Variants in HRH2 observed in about 807,000 individuals in gnomAD.
HRH2 encodes histamine H2 receptor.
In HRH2, 4 loss-of-function variants were observed where a neutral mutation model predicts 20.1. The ratio of observed to expected loss-of-function variants is 0.20; its 90% CI spans 0.10 to 0.45. HRH2 has a LOEUF of 0.45. Ranked by LOEUF, HRH2 falls within the 20% of genes least tolerant of loss-of-function variation. The pLI is 0.99. For synonymous variants in HRH2, 197 were observed against 200.7 expected, an observed-to-expected ratio of 0.98 and a Z score of 0.16; for missense variants, 250 against 461.6, an observed-to-expected ratio of 0.54 and a Z score of 4.20.
At chr5:175,705,359 G>A (rs968375390) in intron 2 of HRH2, among the ~76,000 whole-genome samples, 4 of 152,170 alleles carry the variant, frequency 2.6e-5, no homozygotes, top group Admixed American at 6.5e-5. Flanking sequence ...CCTATACACC[G>A]GGGGACAGGT....
At chr5:175,695,643 G>A (rs554073848) in intron 2 of HRH2, among the ~76,000 whole-genome samples, 1 of 152,374 alleles carries the variant, frequency 6.6e-6, no homozygotes, top group Non-Finnish European at 1.5e-5. Context: ...TAGACAGGCT[G>A]TGGGGGCCTC....
intron 2 of HRH2, among the ~76,000 whole-genome samples, chr5:175,704,333 G>C (rs1349586862): frequency 6.6e-6 from 1 of 151,856 alleles, no homozygotes; most frequent in Non-Finnish European, 1.5e-5. Context: ...TTTAATATTA[G>C]AAATGTTACT....
In HRH2 at chr5:175,683,417, A is replaced by G. The variant is rs1228891865; in HGVS notation, c.184A>G (p.Ile62Val). 2 of 1,614,146 alleles carry G rather than the reference A, an allele frequency of 1.2e-6. No homozygotes were observed. Among genetic ancestry groups the G allele is most frequent in the African/African-American group, 1.3e-5 (1 of 75,034 alleles). ...LTNCFIVSLA[I>V]TDLLLGLLVL... ...CAATTGTTTCATCGTGTCCTTGGCTATCACTGACCTGCTCCTCGGCCTCCT... is the reference window on the plus strand; with the variant it reads ...CAATTGTTTCATCGTGTCCTTGGCTGTCACTGACCTGCTCCTCGGCCTCCT... Residue 62 changes from isoleucine (I) to valine (V), a missense_variant, in exon 2 of 3, where the codon ATC becomes GTC. Ile to Val is a conservative substitution (Grantham distance 29). This residue lies in a region of HRH2 where 86 missense variants were observed against 176.4 expected (regional missense o/e 0.49). Coordinates refer to ENST00000636584, the MANE Select transcript of HRH2 (RefSeq NM_001367711.1).
chr5:175,663,946 T>C (rs928939713), intron 1 of HRH2, among the ~76,000 whole-genome samples: 4 of 152,208 alleles, frequency 2.6e-5, no homozygotes, highest in African/African-American at 9.6e-5. Context: ...AAAGGGCCTT[T>C]CCAGCTCTGC....
At chr5:175,685,775 TC>T (rs1267146920) in intron 2 of HRH2, 2 of 504,142 alleles carry the variant, frequency 4.0e-6, no homozygotes, top group Non-Finnish European at 7.1e-6. Context: ...CTCTGCCATC[TC>T]CCAATAGGAC....
At chr5:175,678,724 T>A (rs1676885879) in intron 1 of HRH2, among the ~76,000 whole-genome samples, 1 of 152,180 alleles carries the variant, frequency 6.6e-6, no homozygotes, top group Admixed American at 6.5e-5. Flanking sequence ...GCCTGGAAAA[T>A]CAGATTTATC....
rs188672271 is a variant in HRH2, at chr5:175,682,939, G to A, written c.-295G>A. ...CTAGCTCTTCAGGGGACCGTCTGAGGACTGGAGTTTGATCCATGAACCTGG... is the reference window on the plus strand; with the variant it reads ...CTAGCTCTTCAGGGGACCGTCTGAGAACTGGAGTTTGATCCATGAACCTGG... On this transcript the variant is annotated 5_prime_UTR_variant, in exon 2 of 3. Coordinates refer to ENST00000636584, the MANE Select transcript of HRH2 (RefSeq NM_001367711.1). The A allele has an allele frequency of 2.4e-5, 9 of 368,618 alleles. No individual in the cohort carries two copies. Among genetic ancestry groups the A allele is most frequent in the South Asian group, 9.0e-5 (2 of 22,340 alleles). 22.8% of individuals were successfully genotyped at this position (368,618 alleles called of 1,614,324 possible).
Position 175,684,281 on chromosome 5 carries a change from G to T in HRH2, c.1048G>T (p.Val350Phe), listed in dbSNP as rs766455569. The T allele has an allele frequency of 2.5e-6, 4 of 1,613,996 alleles. No homozygotes were observed. Among genetic ancestry groups the T allele is most frequent in the Non-Finnish European group, 3.4e-6 (4 of 1,180,006 alleles). The change falls in exon 2 of 3, where the codon GTC becomes TTC. Residue 350 changes from valine (V) to phenylalanine (F), a missense_variant. Val to Phe is a conservative substitution (Grantham distance 50). This residue lies in a region of HRH2 where 55 missense variants were observed against 66.9 expected (regional missense o/e 0.82). Coordinates refer to ENST00000636584, the MANE Select transcript of HRH2 (RefSeq NM_001367711.1). ...GCTCCAGGTGTGGAGTGGGACAGAA[G>T]TCACGGCCCCCCAGGGAGCCACAGA... Reference protein sequence around the residue: ...LKLQVWSGTEVTAPQGATDRK... With the variant: ...LKLQVWSGTEFTAPQGATDRK...
intron 1 of HRH2, among the ~76,000 whole-genome samples, chr5:175,660,025 G>A (rs983035688): frequency 1.3e-5 from 2 of 152,264 alleles, no homozygotes; most frequent in Admixed American, 6.5e-5. Flanking sequence ...ATTCTCCTGA[G>A]CTCACAGGCA....
intron 1 of HRH2, among the ~76,000 whole-genome samples, chr5:175,673,935 C>T (rs1438159341): frequency 6.6e-6 from 1 of 152,150 alleles, no homozygotes; most frequent in Non-Finnish European, 1.5e-5. Context: ...GAACTCCTGA[C>T]CTCAGGTGAT....
At position 175,687,943 on chromosome 5, in the gene HRH2, G is replaced by A. The variant is rs1190363031; in HGVS notation, c.1076+3634G>A. Among the ~76,000 whole-genome samples, 1 of 152,214 alleles carries A rather than the reference G, an allele frequency of 6.6e-6. No individual in the cohort carries two copies. The highest frequency in any genetic ancestry group is 1.9e-4 in the East Asian group (1 of 5,190). The stretch of plus-strand genomic sequence containing the variant: ...TCCGTTGCAGTTCAGGAGGCCAGAT[G>A]TCTGAGATCAAGGTGTTAGCAGGGC... On this transcript the variant is annotated intron_variant, in intron 2 of 2. Transcript: ENST00000636584. The surrounding 1 kb of genome is among the most constrained non-coding windows in gnomAD (Gnocchi z 5.2).
rs1314073117 is a variant in HRH2, at chr5:175,677,845, C to T, written c.-525-4864C>T. ...GCAGCAGGAGGTCAGGGACCCTGCG[C>T]CACTTTTCCCGCCTTCCAATCACAT... On this transcript the variant is annotated intron_variant, in intron 1 of 2. Coordinates refer to ENST00000636584, the MANE Select transcript of HRH2 (RefSeq NM_001367711.1). The surrounding 1 kb of genome is among the most constrained non-coding windows in gnomAD (Gnocchi z 4.2). Among the ~76,000 whole-genome samples the T allele has an allele frequency of 6.6e-6, 1 of 152,182 alleles. No homozygotes were observed. Among genetic ancestry groups the T allele is most frequent in the Non-Finnish European group, 1.5e-5 (1 of 68,036 alleles).
chr5:175,665,671 G>T (rs1762867082), intron 1 of HRH2, among the ~76,000 whole-genome samples: 1 of 152,174 alleles, frequency 6.6e-6, no homozygotes, highest in African/African-American at 2.4e-5. Context: ...ATGGGTGCCT[G>T]TCAGTCTGAT....
intron 1 of HRH2, among the ~76,000 whole-genome samples, chr5:175,671,562 ACTT>A (rs753438197): frequency 3.3e-5 from 5 of 152,062 alleles, no homozygotes; most frequent in African/African-American, 7.2e-5. Context: ...AGGAATTTGG[ACTT>A]CTTCTCTGAA....
chr5:175,705,423 C>T (rs1481156357), intron 2 of HRH2, among the ~76,000 whole-genome samples: 1 of 152,146 alleles, frequency 6.6e-6, no homozygotes, highest in Non-Finnish European at 1.5e-5. Flanking sequence ...CGAAACAATC[C>T]AGATGTCCTT....
At chr5:175,702,856 T>C (rs1289978436) in intron 2 of HRH2, among the ~76,000 whole-genome samples, 1 of 151,828 alleles carries the variant, frequency 6.6e-6, no homozygotes, top group Non-Finnish European at 1.5e-5. Flanking sequence ...CGTGAGCCAC[T>C]GTGCCCAACC....
In HRH2 at chr5:175,684,960, G is replaced by C. The variant is rs926322269; in HGVS notation, c.1076+651G>C. Among the ~76,000 whole-genome samples the C allele has an allele frequency of 3.9e-5, 6 of 152,262 alleles. No individual in the cohort carries two copies. In the East Asian group the frequency reaches 1.2e-3, roughly 29 times the overall value. On this transcript the variant is annotated intron_variant, in intron 2 of 2. Coordinates refer to ENST00000636584, the MANE Select transcript of HRH2 (RefSeq NM_001367711.1). Reference sequence around the variant, plus strand: ...GGTAACTTAAGCAGATCTATGCCTTGGAAAGAGGGCTCTGGGTACCCCTAA... The same window carrying C: ...GGTAACTTAAGCAGATCTATGCCTTCGAAAGAGGGCTCTGGGTACCCCTAA...
intron 2 of HRH2, among the ~76,000 whole-genome samples, chr5:175,688,537 C>T (rs1383115218): frequency 6.6e-6 from 1 of 152,276 alleles, no homozygotes; most frequent in Admixed American, 6.5e-5. Context: ...TGTTACTCTA[C>T]AGCAGGCGTT....
intron 2 of HRH2, among the ~76,000 whole-genome samples, chr5:175,705,642 T>A (rs1454102185): frequency 6.6e-6 from 1 of 151,948 alleles, no homozygotes; most frequent in Non-Finnish European, 1.5e-5. Flanking sequence ...TACCTACCCC[T>A]ACAGGTAGTG....
Sources: gnomAD v4.1 joint callset for allele counts (sites outside exome capture counted in the v4.1 genomes callset) on GRCh38, gnomAD v4.1.1 for gene constraint, gnomAD v4.1.1 regional missense constraint, Gnocchi (gnomAD v3.1) non-coding constraint, MANE v1.5 for transcripts, NCBI Gene and HGNC (gene_info 2026-07-23, HGNC 2026-07-21) for gene names.